ACAD11: variants seen among roughly 807,000 people sequenced by gnomAD.
ACAD11 encodes the protein acyl-Coenzyme A dehydrogenase family, member 11.
In ACAD11, 83 loss-of-function variants were observed where a neutral mutation model predicts 102.2. The observed-to-expected ratio is 0.81, with a 90% CI of 0.68 to 0.97. The LOEUF (loss-of-function observed/expected upper bound fraction) is 0.97. Ranked by LOEUF, ACAD11 falls within the 50% of genes least tolerant of loss-of-function variation. The pLI, the probability that ACAD11 is intolerant of heterozygous loss-of-function variation, is 0.00. For synonymous variants in ACAD11, 324 were observed against 319.8 expected (o/e 1.01, Z -0.14); for missense variants, 901 against 951.7 (o/e 0.95, Z 0.70).
intron 13 of ACAD11, among the ~76,000 whole-genome samples, chr3:132,591,246 A>G (rs1418568833): frequency 2.0e-5 from 3 of 152,162 alleles, no homozygotes; most frequent in Non-Finnish European, 4.4e-5. Flanking sequence ...TCCCAGCACT[A>G]TCTATAGAAT....
intron 13 of ACAD11, among the ~76,000 whole-genome samples, chr3:132,591,091 T>C (rs1576568262): frequency 6.6e-6 from 1 of 152,196 alleles, no homozygotes; most frequent in East Asian, 1.9e-4. Context: ...CCCCTATGTC[T>C]AGGACAGTAT....
At chr3:132,585,238 T>C (rs145916186) in intron 13 of ACAD11, among the ~76,000 whole-genome samples, 5,145 of 152,224 alleles carry the variant, frequency 0.034, 143 homozygotes, top group South Asian at 0.072. Context: ...AAACAAGAAA[T>C]GGGGAAAGGA....
intron 1 of ACAD11, among the ~76,000 whole-genome samples, chr3:132,655,197 G>C (rs913163361): frequency 2.0e-5 from 3 of 152,136 alleles, no homozygotes; most frequent in Admixed American, 2.0e-4. Context: ...TCCCACTCTG[G>C]TCTATGCCAC....
intron 5 of ACAD11, among the ~76,000 whole-genome samples, chr3:132,632,102 G>A (rs952891828): frequency 9.0e-6 from 1 of 111,174 alleles, no homozygotes; most frequent in African/African-American, 3.6e-5. Context: ...TTTTTTTTTT[G>A]AGACGGAGTC....
At chr3:132,615,284 A>G (rs1369881569) in intron 11 of ACAD11, among the ~76,000 whole-genome samples, 1 of 152,224 alleles carries the variant, frequency 6.6e-6, no homozygotes, top group Non-Finnish European at 1.5e-5. Flanking sequence ...TCAAGGATCT[A>G]GAACCAGAAA....
intron 13 of ACAD11, among the ~76,000 whole-genome samples, chr3:132,598,954 GAAGTAAGAAA>G (rs1938442826): frequency 6.6e-6 from 1 of 152,196 alleles, no homozygotes; most frequent in Admixed American, 6.5e-5. Context: ...TACTCTGGTG[GAAGTAAGAAA>G]AACGTTTTTG....
At chr3:132,573,004 C>T (rs1390891307) in intron 17 of ACAD11, among the ~76,000 whole-genome samples, 1 of 152,116 alleles carries the variant, frequency 6.6e-6, no homozygotes, top group African/African-American at 2.4e-5. Flanking sequence ...TGGTGGTTTG[C>T]TACACTTATC....
rs867928604 is a variant in ACAD11, at chr3:132,649,501, C to A, written c.150-4605G>T. On this transcript the variant is annotated intron_variant, in intron 1 of 19. Coordinates refer to ENST00000264990, the MANE Select transcript of ACAD11 (RefSeq NM_032169.5). Reference sequence around the variant, plus strand: ...TCTAGGCATAGTACCTTCCCTTGAACTTATTTGTGACACAGATTCCTTTGC... The same window carrying A: ...TCTAGGCATAGTACCTTCCCTTGAAATTATTTGTGACACAGATTCCTTTGC... Among the ~76,000 whole-genome samples the A allele has an allele frequency of 2.0e-5, 3 of 152,204 alleles. No homozygotes were observed. In the South Asian group the frequency reaches 6.2e-4, roughly 32 times the overall value.
At chr3:132,590,571 G>A in intron 13 of ACAD11, among the ~76,000 whole-genome samples, 1 of 151,880 alleles carries the variant, frequency 6.6e-6, no homozygotes, top group East Asian at 1.9e-4. Context: ...TAGCTCTCTG[G>A]GGAATCTCCA....
chr3:132,564,929 G>A (rs969084194), intron 17 of ACAD11, among the ~76,000 whole-genome samples: 1 of 152,122 alleles, frequency 6.6e-6, no homozygotes, highest in Non-Finnish European at 1.5e-5. Flanking sequence ...TATCTCAGCT[G>A]CTGAGGTTCT....
At chr3:132,607,420 A>G (rs569517472) in intron 11 of ACAD11, among the ~76,000 whole-genome samples, 1 of 152,334 alleles carries the variant, frequency 6.6e-6, no homozygotes, top group South Asian at 2.1e-4. Context: ...CAGTTTAGAG[A>G]AGACCATAAA....
chr3:132,601,828 G>A (rs917057307), intron 13 of ACAD11: 1 of 326,728 alleles, frequency 3.1e-6, no homozygotes, highest in African/African-American at 2.2e-5. Flanking sequence ...CAATTTCCTG[G>A]TTTTGACATT....
At chr3:132,577,073 A>G (rs528018165) in intron 15 of ACAD11, 58 bp from the exon 16 acceptor site, 3 of 967,014 alleles carry the variant, frequency 3.1e-6, no homozygotes, top group East Asian at 2.5e-5. Context: ...AGAGTCACAT[A>G]TTCTTAATCT....
intron 9 of ACAD11, among the ~76,000 whole-genome samples, chr3:132,624,011 C>T (rs1056983057): frequency 2.6e-5 from 4 of 151,038 alleles, no homozygotes; most frequent in Non-Finnish European, 5.9e-5. Context: ...CACCCTCCCC[C>T]ACCCCCGAAA....
intron 13 of ACAD11, chr3:132,600,244 C>A: frequency 1.5e-6 from 1 of 672,636 alleles, no homozygotes; most frequent in Non-Finnish European, 2.5e-6. Context: ...CCCATTAAAG[C>A]ATTTCAAAGA....
intron 17 of ACAD11, among the ~76,000 whole-genome samples, chr3:132,568,914 T>C (rs1937298615): frequency 1.3e-5 from 2 of 151,320 alleles, no homozygotes; most frequent in African/African-American, 2.4e-5. Flanking sequence ...TGACACATTA[T>C]GGGAGAAAAT....
At chr3:132,623,278 TTA>T (rs1257308793) in intron 9 of ACAD11, among the ~76,000 whole-genome samples, 6 of 152,204 alleles carry the variant, frequency 3.9e-5, no homozygotes, top group African/African-American at 1.4e-4. Context: ...AAGTATTGTA[TTA>T]TATGATACAA....
intron 13 of ACAD11, among the ~76,000 whole-genome samples, chr3:132,595,830 C>T (rs908932058): frequency 2.0e-5 from 3 of 152,114 alleles, no homozygotes; most frequent in Admixed American, 6.6e-5. Context: ...AAAAGGAGCA[C>T]TTACAAACTG....
rs1479494404 is a variant in ACAD11, at chr3:132,561,639, A to G, written c.2002-422T>C. The stretch of plus-strand genomic sequence containing the variant: ...GGTAAACTAGAAAATTCTCAGCACA[A>G]TTTCAGTGTGGGGACAGTTCAGCAG... On this transcript the variant is annotated intron_variant, in intron 17 of 19. Transcript: ENST00000264990. Among the ~76,000 whole-genome samples the G allele has an allele frequency of 2.0e-5, 3 of 152,256 alleles. No homozygotes were observed. In the East Asian group the frequency reaches 5.8e-4, roughly 29 times the overall value.
Sources: gnomAD v4.1 joint callset for allele counts (sites outside exome capture counted in the v4.1 genomes callset) on GRCh38, gnomAD v4.1.1 for gene constraint, MANE v1.5 for transcripts, NCBI Gene and HGNC (gene_info 2026-07-23, HGNC 2026-07-21) for gene names.